ZBTB44: variants seen among roughly 807,000 people sequenced by gnomAD.
ZBTB44 encodes the protein zinc finger and BTB domain containing 44.
In ZBTB44, 15 loss-of-function variants were observed where a neutral mutation model predicts 54.0. That is an observed-to-expected ratio of 0.28 (90% CI 0.19 to 0.43). The LOEUF (loss-of-function observed/expected upper bound fraction) is 0.43, where lower values mean the gene tolerates loss of function less well. Among genes scored for constraint, ZBTB44 ranks in the 20% least tolerant of loss-of-function variants. The pLI is 1.00. For missense variants in ZBTB44, 487 were observed against 707.1 expected (o/e 0.69, Z 3.53); for synonymous variants, 230 against 250.1 (o/e 0.92, Z 0.76).
At chr11:130,272,490 G>A (rs1408275075) in intron 1 of ZBTB44, among the ~76,000 whole-genome samples, 1 of 152,176 alleles carries the variant, frequency 6.6e-6, no homozygotes, top group Non-Finnish European at 1.5e-5. Flanking sequence ...ATATATTCTA[G>A]TTGTGAGTTG....
intron 2 of ZBTB44, among the ~76,000 whole-genome samples, chr11:130,251,632 A>C (rs1938014391): frequency 6.6e-6 from 1 of 152,354 alleles, no homozygotes; most frequent in East Asian, 1.9e-4. Context: ...AAATTCTTAA[A>C]GAAAAGAATT....
At chr11:130,274,182 G>A (rs145805390) in intron 1 of ZBTB44, among the ~76,000 whole-genome samples, 1 of 152,198 alleles carries the variant, frequency 6.6e-6, no homozygotes, top group East Asian at 1.9e-4. Context: ...CCAAAAACCC[G>A]AAATCCAAAA....
chr11:130,276,232 C>CAAAAAAAAAAAAAAAAAAAAAAAAAAAAA (rs757286125), intron 1 of ZBTB44, among the ~76,000 whole-genome samples: 7 of 31,744 alleles, frequency 2.2e-4, no homozygotes, highest in African/African-American at 2.9e-4. Flanking sequence ...AACTCTGTCT[C>CAAAAAAAAAAAAAAAAAAAAAAAAAAAAA]AAAAAAAAAA....
At chr11:130,270,377 AAACTTGTCTGT>A (rs1239739752) in intron 1 of ZBTB44, among the ~76,000 whole-genome samples, 4 of 152,248 alleles carry the variant, frequency 2.6e-5, no homozygotes, top group Non-Finnish European at 5.9e-5. Flanking sequence ...ATTTATACAT[AAACTTGTCTGT>A]ATTGGCTTTT....
chr11:130,229,787 G>A lies in ZBTB44; in HGVS notation c.*1977C>T, dbSNP rs556356209. 26 of 152,098 alleles carry A rather than the reference G, an allele frequency of 1.7e-4. No individual in the cohort carries two copies. The highest frequency in any genetic ancestry group is 1.0e-3 in the Admixed American group (16 of 15,282). The allele number at this position is 152,098 out of a possible 1,614,324, so 9.4% of individuals were successfully genotyped here. On this transcript the variant is annotated 3_prime_UTR_variant, in exon 8 of 8. Transcript: ENST00000357899. ...ATATATTACAAATAAAGCATCTTACGTCAATAACTTACTTACAGTGAAAAC... is the reference window on the plus strand; with the variant it reads ...ATATATTACAAATAAAGCATCTTACATCAATAACTTACTTACAGTGAAAAC...
chr11:130,232,249 T>C (rs1192831863), intron 7 of ZBTB44: 1 of 152,126 alleles, frequency 6.6e-6, no homozygotes, highest in African/African-American at 2.4e-5. Flanking sequence ...AAAATTCAGA[T>C]CTTGTGTTTT....
At chr11:130,296,466 A>G in intron 1 of ZBTB44, 1 of 1,152,124 alleles carries the variant, frequency 8.7e-7, no homozygotes, top group East Asian at 2.3e-5. Context: ...GTTCTGCAAC[A>G]CAGATTTGGG....
At chr11:130,254,475 T>C (rs530632570) in intron 2 of ZBTB44, among the ~76,000 whole-genome samples, 1 of 152,170 alleles carries the variant, frequency 6.6e-6, no homozygotes, top group African/African-American at 2.4e-5. Context: ...CATGAAAAAA[T>C]GCTTATCATC....
intron 2 of ZBTB44, among the ~76,000 whole-genome samples, chr11:130,250,746 A>G (rs1425767245): frequency 6.6e-6 from 1 of 152,178 alleles, no homozygotes; most frequent in Non-Finnish European, 1.5e-5. Flanking sequence ...ACATCAACAA[A>G]AAGAACCTCC....
At chr11:130,265,689 GAA>G (rs1270395637) in intron 1 of ZBTB44, among the ~76,000 whole-genome samples, 2 of 152,198 alleles carry the variant, frequency 1.3e-5, no homozygotes, top group Non-Finnish European at 2.9e-5. Context: ...CTGACATGCA[GAA>G]AGTTTGCCTG....
intron 1 of ZBTB44, chr11:130,295,944 T>C: frequency 6.6e-7 from 1 of 1,525,820 alleles, no homozygotes; most frequent in Non-Finnish European, 9.1e-7. Flanking sequence ...AGAAACTTGC[T>C]AATGGGATCA....
intron 1 of ZBTB44, among the ~76,000 whole-genome samples, chr11:130,267,333 T>C (rs758828083): frequency 6.6e-6 from 1 of 151,974 alleles, no homozygotes; most frequent in African/African-American, 2.4e-5. Flanking sequence ...GCCATCCTCA[T>C]AGCATAAAAG....
chr11:130,310,237 G>A (rs568516720), intron 1 of ZBTB44: 147 of 152,416 alleles, frequency 9.6e-4, no homozygotes, highest in African/African-American at 3.4e-3. Flanking sequence ...GAGGCAGGAA[G>A]ATCCCTTGAG....
intron 1 of ZBTB44, among the ~76,000 whole-genome samples, chr11:130,276,900 G>A (rs1940143341): frequency 2.6e-5 from 4 of 151,950 alleles, no homozygotes; most frequent in South Asian, 2.1e-4. Flanking sequence ...CTTATAAAAC[G>A]TCTCTAGTAA....
At chr11:130,248,787 G>A (rs1253933305) in intron 2 of ZBTB44, among the ~76,000 whole-genome samples, 3 of 152,150 alleles carry the variant, frequency 2.0e-5, no homozygotes, top group South Asian at 4.1e-4. Context: ...TGAAAGATTT[G>A]TTCTACTTAT....
chr11:130,239,721 T>C lies in ZBTB44; in HGVS notation c.1103+91A>G, dbSNP rs1591929901. The C allele has an allele frequency of 9.6e-6, 10 of 1,038,846 alleles. No homozygotes were observed. In the East Asian group the frequency reaches 2.6e-4, roughly 27 times the overall value. The allele number at this position is 1,038,846 out of a possible 1,614,324, so 64.4% of individuals were successfully genotyped here. A position where few individuals can be genotyped will look rare whatever the true frequency, so the allele number is the denominator to read the frequency against. The stretch of plus-strand genomic sequence containing the variant: ...AAAGTATACTGAAGTGAGGTTGTAA[T>C]AAACTTCTACAACTCTTGAGATGAA... On this transcript the variant is annotated intron_variant, in intron 3 of 7. Coordinates refer to ENST00000357899, the MANE Select transcript of ZBTB44 (RefSeq NM_001301098.2).
At chr11:130,253,434 C>T (rs1591960888) in intron 2 of ZBTB44, among the ~76,000 whole-genome samples, 1 of 152,084 alleles carries the variant, frequency 6.6e-6, no homozygotes, top group Non-Finnish European at 1.5e-5. Context: ...AACAGAGAAA[C>T]AGAGAGCCAA....
At chr11:130,238,392 A>G in intron 4 of ZBTB44, 52 bp downstream of exon 4, 2 of 1,469,958 alleles carry the variant, frequency 1.4e-6, no homozygotes, top group Non-Finnish European at 1.8e-6. Flanking sequence ...GGACTGCAAA[A>G]TAAAATGTTT....
chr11:130,252,051 T>TA (rs1402826177), intron 2 of ZBTB44, among the ~76,000 whole-genome samples: 27 of 151,932 alleles, frequency 1.8e-4, no homozygotes, highest in African/African-American at 6.5e-4. Context: ...AAGACACACA[T>TA]AGACTCAAAA....
Sources: gnomAD v4.1 joint callset for allele counts (sites outside exome capture counted in the v4.1 genomes callset) on GRCh38, gnomAD v4.1.1 for gene constraint, MANE v1.5 for transcripts, NCBI Gene and HGNC (gene_info 2026-07-23, HGNC 2026-07-21) for gene names.